The following TOX variants were observed in gnomAD, a reference collection of about 807,000 sequenced individuals.
TOX encodes the protein thymocyte selection associated high mobility group box.
A neutral mutation model predicts 53.7 loss-of-function variants in TOX; 11 were observed. The ratio of observed to expected loss-of-function variants is 0.20; its 90% CI spans 0.13 to 0.34. TOX has a LOEUF of 0.34. TOX is among the 10% of genes least tolerant of loss of function. TOX has a pLI of 1.00. For missense variants in TOX, 570 were observed against 664.6 expected (o/e 0.86, Z 1.56); for synonymous variants, 225 against 245.3 (o/e 0.92, Z 0.77).
chr8:58,956,595 A>T (rs1812711727), intron 2 of TOX, among the ~76,000 whole-genome samples: 1 of 152,054 alleles, frequency 6.6e-6, no homozygotes, highest in African/African-American at 2.4e-5. Context: ...AAACATCCCA[A>T]ATACTATATT....
intron 2 of TOX, among the ~76,000 whole-genome samples, chr8:58,957,606 T>A (rs938283154): frequency 1.3e-5 from 2 of 152,224 alleles, no homozygotes; most frequent in African/African-American, 4.8e-5. Context: ...AAGTTTAGAA[T>A]TATGCTATTT....
rs898597670 is a variant in TOX at position 58,806,712 on chromosome 8, C to A, written c.*1035G>T. On this transcript the variant is annotated 3_prime_UTR_variant, in exon 9 of 9. Coordinates refer to ENST00000361421, the MANE Select transcript of TOX (RefSeq NM_014729.3). ...TAAAAACTAAATAATAAAGTATTCA[C>A]ACCAAGCGTGAATTTTTTTTTGCCA... The A allele has an allele frequency of 6.6e-6, 1 of 152,588 alleles. No individual in the cohort carries two copies. The highest frequency in any genetic ancestry group is 1.5e-5 in the Non-Finnish European group (1 of 68,030). 9.5% of individuals were successfully genotyped at this position (152,588 alleles called of 1,614,324 possible). A position where few individuals can be genotyped will look rare whatever the true frequency, so the allele number is the denominator to read the frequency against.
chr8:58,846,264 T>C (rs905343535), intron 4 of TOX, among the ~76,000 whole-genome samples: 10 of 152,158 alleles, frequency 6.6e-5, no homozygotes, highest in African/African-American at 2.2e-4. Context: ...ATTAGTTTAA[T>C]TGCTGTGATC....
At chr8:58,957,523 A>C (rs1324016799) in intron 2 of TOX, among the ~76,000 whole-genome samples, 1 of 152,200 alleles carries the variant, frequency 6.6e-6, no homozygotes, top group Non-Finnish European at 1.5e-5. Flanking sequence ...GTCTAAAAGA[A>C]TATCATTAAT....
chr8:59,025,845 T>C (rs1814225957), intron 1 of TOX, among the ~76,000 whole-genome samples: 1 of 152,172 alleles, frequency 6.6e-6, no homozygotes, highest in Non-Finnish European at 1.5e-5. Context: ...GCCTTCCCCA[T>C]GTAGGGGACT....
chr8:58,998,570 TG>T (rs367794117), intron 1 of TOX, among the ~76,000 whole-genome samples: 3,610 of 73,536 alleles, frequency 0.049, 100 homozygotes, highest in Middle Eastern at 0.1. Flanking sequence ...ATGTAATAAA[TG>T]TATATATAAT....
chr8:58,956,471 T>C (rs946814811), intron 2 of TOX, among the ~76,000 whole-genome samples: 1 of 152,220 alleles, frequency 6.6e-6, no homozygotes, highest in Non-Finnish European at 1.5e-5. Context: ...TGTTATGATA[T>C]ACATATAGAT....
intron 1 of TOX, among the ~76,000 whole-genome samples, chr8:59,110,793 C>T (rs967735172): frequency 4.6e-5 from 7 of 151,938 alleles, no homozygotes; most frequent in African/African-American, 4.8e-5. Context: ...TACAGAGACC[C>T]CATTTTCCCA....
chr8:58,871,311 G>A (rs900489543), intron 3 of TOX, among the ~76,000 whole-genome samples: 9 of 151,978 alleles, frequency 5.9e-5, no homozygotes, highest in South Asian at 2.1e-4. Context: ...GTATTATTCC[G>A]TATGATACTG....
intron 3 of TOX, among the ~76,000 whole-genome samples, chr8:58,934,084 T>C (rs1812304782): frequency 6.6e-6 from 1 of 152,220 alleles, no homozygotes; most frequent in Non-Finnish European, 1.5e-5. Flanking sequence ...CTCTTGCATA[T>C]TGGGTCATGA....
chr8:58,945,747 G>A (rs1812513303), intron 2 of TOX, among the ~76,000 whole-genome samples: 1 of 152,120 alleles, frequency 6.6e-6, no homozygotes, highest in South Asian at 2.1e-4. Context: ...GAGAATTCAT[G>A]TTTTCATACG....
chr8:59,076,342 T>C (rs1804292484), intron 1 of TOX, among the ~76,000 whole-genome samples: 1 of 152,204 alleles, frequency 6.6e-6, no homozygotes, highest in Non-Finnish European at 1.5e-5. Context: ...TTCTCACTAT[T>C]GGAAAAACCA....
chr8:58,894,003 T>C (rs1237614017), intron 3 of TOX, among the ~76,000 whole-genome samples: 2 of 152,238 alleles, frequency 1.3e-5, no homozygotes, highest in African/African-American at 4.8e-5. Flanking sequence ...ACTTTTTAAC[T>C]GAATATAAAA....
At chr8:58,900,032 G>A (rs1811709287) in intron 3 of TOX, among the ~76,000 whole-genome samples, 3 of 151,432 alleles carry the variant, frequency 2.0e-5, no homozygotes, top group African/African-American at 7.3e-5. Context: ...TGGTCCTTTT[G>A]TTGCTATCTA....
chr8:59,086,495 G>C (rs1356629525), intron 1 of TOX, among the ~76,000 whole-genome samples: 4 of 152,076 alleles, frequency 2.6e-5, no homozygotes, highest in African/African-American at 4.8e-5. Flanking sequence ...ATATAAAGTA[G>C]ACTATTCCTT....
intron 2 of TOX, among the ~76,000 whole-genome samples, chr8:58,941,727 T>C (rs1812444588): frequency 1.3e-5 from 2 of 152,158 alleles, no homozygotes; most frequent in South Asian, 2.1e-4. Flanking sequence ...ATTGTTGACA[T>C]CTATCTTTTA....
chr8:59,080,606 A>T (rs1463485124), intron 1 of TOX, among the ~76,000 whole-genome samples: 1 of 152,160 alleles, frequency 6.6e-6, no homozygotes, highest in Non-Finnish European at 1.5e-5. Context: ...GTAATCTCCA[A>T]TGCTGGAGGT....
chr8:58,890,160 T>C (rs1364624910), intron 3 of TOX, among the ~76,000 whole-genome samples: 1 of 152,180 alleles, frequency 6.6e-6, no homozygotes, highest in Non-Finnish European at 1.5e-5. Flanking sequence ...ACATCAATTG[T>C]TCAGTAAATG....
chr8:58,893,075 G>A (rs1811584412), intron 3 of TOX, among the ~76,000 whole-genome samples: 1 of 152,066 alleles, frequency 6.6e-6, no homozygotes, highest in African/African-American at 2.4e-5. Context: ...CTACTATATT[G>A]GTTTATTTTG....
Sources: allele counts gnomAD v4.1 joint callset (sites outside exome capture counted in the v4.1 genomes callset), GRCh38; gene constraint gnomAD v4.1.1; transcripts MANE v1.5; gene names NCBI Gene and HGNC (gene_info 2026-07-23, HGNC 2026-07-21).